RIMS1: variants seen among roughly 807,000 people sequenced by gnomAD.
RIMS1 encodes the protein regulating synaptic membrane exocytosis protein 1.
In RIMS1, 83 loss-of-function variants were observed where a neutral mutation model predicts 214.1. That is an observed-to-expected ratio of 0.39 (90% confidence interval 0.32 to 0.47). The LOEUF is 0.47. Among genes scored for constraint, RIMS1 ranks in the 20% least tolerant of loss-of-function variants. The probability of loss-of-function intolerance (pLI) is 0.99; values close to 1 mark genes in which losing one functional copy is unlikely to be tolerated. For missense variants in RIMS1, 2,050 were observed against 2,161.8 expected (o/e 0.95, Z 1.03); for synonymous variants, 793 against 786.8 (o/e 1.01, Z -0.13).
chr6:72,377,139 C>T (rs1188315141), intron 29 of RIMS1, among the ~76,000 whole-genome samples: 1 of 152,122 alleles, frequency 6.6e-6, no homozygotes, highest in African/African-American at 2.4e-5. Context: ...TCAGGCTCTC[C>T]AGAGTTCTGT....
chr6:72,315,057 ATTTCT>A (rs2095698096), intron 28 of RIMS1, among the ~76,000 whole-genome samples: 1 of 152,172 alleles, frequency 6.6e-6, no homozygotes, highest in Non-Finnish European at 1.5e-5. Flanking sequence ...TGGCTATGTG[ATTTCT>A]TTTAGAAAGA....
intron 29 of RIMS1, among the ~76,000 whole-genome samples, chr6:72,364,582 A>T (rs910601642): frequency 7.2e-5 from 11 of 152,232 alleles, no homozygotes; most frequent in Admixed American, 5.9e-4. Context: ...TACAAAGTAG[A>T]GTAAGCTTCT....
At chr6:71,940,662 T>G (rs1053717548) in intron 1 of RIMS1, among the ~76,000 whole-genome samples, 1 of 152,190 alleles carries the variant, frequency 6.6e-6, no homozygotes, top group African/African-American at 2.4e-5. Context: ...AGAAGGATTT[T>G]CAAGTGCTAG....
chr6:71,914,221 A>G (rs1379052370), intron 1 of RIMS1, among the ~76,000 whole-genome samples: 1 of 152,178 alleles, frequency 6.6e-6, no homozygotes, highest in Non-Finnish European at 1.5e-5. Context: ...CTTCTACTAT[A>G]AACAATGTTT....
chr6:72,235,501 C>T (rs1406981423), intron 7 of RIMS1, 117 bp from the exon 8 acceptor site: 5 of 635,440 alleles, frequency 7.9e-6, no homozygotes, highest in Admixed American at 7.2e-5. Flanking sequence ...TTTCACTTAA[C>T]ATAATGTTCT....
chr6:72,376,767 T>A (rs1595724218), intron 29 of RIMS1, among the ~76,000 whole-genome samples: 1 of 149,956 alleles, frequency 6.7e-6, no homozygotes, highest in Admixed American at 6.6e-5. Context: ...AAAAAGAGAA[T>A]CAGATTTTGC....
At chr6:72,125,714 C>T (rs918127134) in intron 4 of RIMS1, among the ~76,000 whole-genome samples, 1 of 152,184 alleles carries the variant, frequency 6.6e-6, no homozygotes, top group Admixed American at 6.5e-5. Flanking sequence ...TCCCCCAGCC[C>T]AGGCTGCCAC....
At chr6:71,907,378 T>C (rs1328692) in intron 1 of RIMS1, among the ~76,000 whole-genome samples, 3,112 of 152,266 alleles carry the variant, frequency 0.02, 91 homozygotes, top group African/African-American at 0.069. Flanking sequence ...AAGAATACCT[T>C]ACTTAAACAA....
At chr6:71,928,041 C>T (rs928414098) in intron 1 of RIMS1, among the ~76,000 whole-genome samples, 4 of 152,002 alleles carry the variant, frequency 2.6e-5, no homozygotes, top group East Asian at 1.9e-4. Context: ...AGAATGCATG[C>T]GCATTTTTGT....
intron 29 of RIMS1, among the ~76,000 whole-genome samples, chr6:72,372,592 A>T (rs1323271131): frequency 6.6e-6 from 1 of 152,240 alleles, no homozygotes; most frequent in Non-Finnish European, 1.5e-5. Context: ...GTAAACAGGG[A>T]CATACAGTAC....
intron 1 of RIMS1, among the ~76,000 whole-genome samples, chr6:71,887,928 C>T (rs1162381414): frequency 1.1e-4 from 17 of 152,146 alleles, no homozygotes; most frequent in Admixed American, 1.1e-3. Flanking sequence ...ATAGAGGTTC[C>T]TCTTTAGTGG....
At chr6:72,165,639 C>G (rs1373625169) in intron 4 of RIMS1, among the ~76,000 whole-genome samples, 2 of 152,060 alleles carry the variant, frequency 1.3e-5, no homozygotes, top group East Asian at 3.9e-4. Flanking sequence ...AGACAATGTA[C>G]TTTTGCTCCT....
At chr6:71,982,661 A>G (rs1365727257) in intron 2 of RIMS1, among the ~76,000 whole-genome samples, 2 of 152,068 alleles carry the variant, frequency 1.3e-5, no homozygotes, top group East Asian at 3.9e-4. Context: ...ATGTCCTGTC[A>G]GGTCTAATTC....
chr6:72,012,660 A>G (rs1811196250), intron 2 of RIMS1, among the ~76,000 whole-genome samples: 1 of 152,188 alleles, frequency 6.6e-6, no homozygotes, highest in South Asian at 2.1e-4. Context: ...CAAGGGAATG[A>G]TGCCACAAGG....
chr6:72,138,759 C>A (rs2041708374), intron 4 of RIMS1, among the ~76,000 whole-genome samples: 1 of 152,038 alleles, frequency 6.6e-6, no homozygotes, highest in Admixed American at 6.5e-5. Flanking sequence ...AATGAAAAAT[C>A]ATTTTCACTA....
chr6:72,002,060 T>G (rs1218067403), intron 2 of RIMS1, among the ~76,000 whole-genome samples: 1 of 152,200 alleles, frequency 6.6e-6, no homozygotes, highest in Non-Finnish European at 1.5e-5. Context: ...TTTGCCACTG[T>G]GTTGGTAAGA....
intron 4 of RIMS1, among the ~76,000 whole-genome samples, chr6:72,131,841 C>T (rs2040494575): frequency 6.6e-6 from 1 of 152,118 alleles, no homozygotes; most frequent in Non-Finnish European, 1.5e-5. Flanking sequence ...TGACCACACC[C>T]AAGGGGGCCG....
intron 1 of RIMS1, among the ~76,000 whole-genome samples, chr6:71,923,571 T>G (rs973529971): frequency 6.6e-6 from 1 of 151,200 alleles, no homozygotes; most frequent in Non-Finnish European, 1.5e-5. Context: ...TTGTGACTTT[T>G]CTTTTTTTTT....
At chr6:72,059,429 A>T (rs1827251486) in intron 2 of RIMS1, among the ~76,000 whole-genome samples, 1 of 151,952 alleles carries the variant, frequency 6.6e-6, no homozygotes, top group Non-Finnish European at 1.5e-5. Context: ...GGGTTTTGCC[A>T]TGTTGCCTAG....
Sources: allele counts gnomAD v4.1 joint callset (sites outside exome capture counted in the v4.1 genomes callset), GRCh38; gene constraint gnomAD v4.1.1; transcripts MANE v1.5; gene names NCBI Gene and HGNC (gene_info 2026-07-23, HGNC 2026-07-21).